CNBD2: variants seen among roughly 807,000 people sequenced by gnomAD.
CNBD2 encodes cyclic nucleotide-binding domain-containing protein 2.
In CNBD2, 64 loss-of-function variants were observed where a neutral mutation model predicts 63.7. That is an observed-to-expected ratio of 1.00 (90% confidence interval 0.82 to 1.24). The LOEUF (loss-of-function observed/expected upper bound fraction) is 1.24, where lower values mean the gene tolerates loss of function less well. CNBD2 is among the 50% of genes most tolerant of loss of function. CNBD2 has a pLI of 0.00. For synonymous variants in CNBD2, 229 were observed against 255.4 expected, an observed-to-expected ratio of 0.90 and a Z score of 0.99; for missense variants, 691 against 713.5, an observed-to-expected ratio of 0.97 and a Z score of 0.36.
chr20:35,971,919 T>G (rs1238679190), intron 1 of CNBD2, among the ~76,000 whole-genome samples: 1 of 152,206 alleles, frequency 6.6e-6, no homozygotes, highest in Non-Finnish European at 1.5e-5. Flanking sequence ...CTGTATTCAC[T>G]TGTTCTCAGT....
chr20:35,976,552 T>A (rs1428603484), intron 3 of CNBD2, among the ~76,000 whole-genome samples: 1 of 152,174 alleles, frequency 6.6e-6, no homozygotes, highest in Non-Finnish European at 1.5e-5. Context: ...GTCGTATCAC[T>A]GCATTCCAGT....
chr20:36,027,061 C>T (rs965115294), intron 11 of CNBD2, among the ~76,000 whole-genome samples: 1 of 152,352 alleles, frequency 6.6e-6, no homozygotes, highest in Non-Finnish European at 1.5e-5. Flanking sequence ...AAACCCAAAT[C>T]ATTTGCAGTC....
chr20:36,017,744 G>A (rs2057154007), intron 10 of CNBD2, among the ~76,000 whole-genome samples: 1 of 152,158 alleles, frequency 6.6e-6, no homozygotes, highest in South Asian at 2.1e-4. Context: ...TATTCACGCA[G>A]AGTGGCCTCC....
At chr20:35,990,973 C>T (rs1408552155) in intron 7 of CNBD2, among the ~76,000 whole-genome samples, 1 of 152,092 alleles carries the variant, frequency 6.6e-6, no homozygotes, top group Non-Finnish European at 1.5e-5. Flanking sequence ...AAGCTATTAT[C>T]TCATTCATCA....
At chr20:35,994,923 T>TAG in intron 7 of CNBD2, 115 bp from the exon 8 acceptor site, 1 of 680,026 alleles carries the variant, frequency 1.5e-6, no homozygotes, top group East Asian at 2.8e-5. Flanking sequence ...ACCACTTGCA[T>TAG]TAAGCAAATA....
intron 10 of CNBD2, among the ~76,000 whole-genome samples, chr20:36,016,310 G>A (rs1207335625): frequency 6.6e-6 from 1 of 152,138 alleles, no homozygotes; most frequent in African/African-American, 2.4e-5. Context: ...ATAGAAAAAG[G>A]GCATTAGGTG....
intron 5 of CNBD2, 92 bp downstream of exon 5, chr20:35,984,230 C>A: frequency 1.5e-6 from 2 of 1,332,582 alleles, no homozygotes; most frequent in Non-Finnish European, 2.1e-6. Context: ...CCCAGTCCTG[C>A]CTAGTACTCT....
chr20:36,005,721 T>C (rs559269682), intron 8 of CNBD2, among the ~76,000 whole-genome samples: 371 of 151,724 alleles, frequency 2.4e-3, no homozygotes, highest in Non-Finnish European at 4.1e-3. Flanking sequence ...GAGGCCGAGG[T>C]AGACGGATCA....
At chr20:35,994,209 G>A (rs1040891051) in intron 7 of CNBD2, among the ~76,000 whole-genome samples, 1 of 152,062 alleles carries the variant, frequency 6.6e-6, no homozygotes, top group Non-Finnish European at 1.5e-5. Flanking sequence ...GGGATTACAG[G>A]CATGTGCCAC....
rs772511844 is a variant in CNBD2, at chr20:36,030,439, C to G, written c.1522C>G (p.Pro508Ala). ...RKDLLQLLVE[P>A]CQSQLFTPNR... ...GGACCTGTTGCAGCTGCTCGTGGAGCCTTGCCAAAGTCAACTGTTCACTCC... is the reference window on the plus strand; with the variant it reads ...GGACCTGTTGCAGCTGCTCGTGGAGGCTTGCCAAAGTCAACTGTTCACTCC... The change falls in exon 12 of 12, where the codon CCT (proline) becomes GCT (alanine). Residue 508 changes from proline to alanine, a missense_variant. Pro to Ala is a conservative substitution (Grantham distance 27). Transcript: ENST00000373973. 17 of 1,614,018 alleles carry G rather than the reference C, an allele frequency of 1.1e-5. No individual in the cohort carries two copies. Among genetic ancestry groups the G allele is most frequent in the East Asian group, 6.7e-5 (3 of 44,892 alleles).
upstream of CNBD2, chr20:35,954,390 C>G: frequency 6.4e-7 from 1 of 1,564,660 alleles, no homozygotes; most frequent in Non-Finnish European, 8.7e-7. Context: ...AAGGGCAGAG[C>G]TCGCGTCACC....
chr20:35,992,866 G>A (rs1460942271), intron 7 of CNBD2, among the ~76,000 whole-genome samples: 1 of 151,322 alleles, frequency 6.6e-6, no homozygotes, highest in African/African-American at 2.4e-5. Flanking sequence ...TCTCTGGGAG[G>A]GAGATCAAGC....
chr20:36,010,544 G>C (rs528922374), intron 9 of CNBD2, among the ~76,000 whole-genome samples: 58 of 152,170 alleles, frequency 3.8e-4, no homozygotes, highest in Non-Finnish European at 7.6e-4. Flanking sequence ...GCCAAAGCGG[G>C]TGGATCACTT....
chr20:35,973,500 C>T (rs1401132236), intron 2 of CNBD2: 1 of 152,184 alleles, frequency 6.6e-6, no homozygotes, highest in Non-Finnish European at 1.5e-5. Flanking sequence ...AGCTCCACCT[C>T]CCGGGTTCAC....
intron 8 of CNBD2, among the ~76,000 whole-genome samples, chr20:36,003,035 G>C (rs1449087952): frequency 6.6e-6 from 1 of 151,598 alleles, no homozygotes; most frequent in East Asian, 1.9e-4. Context: ...ATGTCTTCAA[G>C]TTTTCTAATC....
chr20:35,972,208 C>A (rs1337331355), intron 1 of CNBD2, among the ~76,000 whole-genome samples: 1 of 152,176 alleles, frequency 6.6e-6, no homozygotes, highest in African/African-American at 2.4e-5. Flanking sequence ...TGACAGCCAG[C>A]AGTGTTGCAT....
intron 2 of CNBD2, among the ~76,000 whole-genome samples, chr20:35,961,738 G>A (rs2056310209): frequency 6.6e-6 from 1 of 152,180 alleles, no homozygotes; most frequent in African/African-American, 2.4e-5. Flanking sequence ...ATTCCAGGCT[G>A]GCAGGAATTC....
At position 36,008,347 on chromosome 20, in the gene CNBD2, C is replaced by CT; in HGVS notation, c.1022dup (p.Gln342AlafsTer4). On this transcript the variant is annotated frameshift_variant, in exon 9 of 12. Transcript: ENST00000373973. LOFTEE classifies it high-confidence loss of function. ...GGAATTCCAGATCAAATCATATCCT[C>CT]TGCAAGACTTTAGCTCCTTGAAACT... The CT allele has an allele frequency of 6.2e-7, 1 of 1,614,004 alleles. No homozygotes were observed. Among genetic ancestry groups the CT allele is most frequent in the Non-Finnish European group, 8.5e-7 (1 of 1,179,968 alleles).
chr20:35,982,733 T>TC (rs1242800958), intron 4 of CNBD2, among the ~76,000 whole-genome samples: 2 of 152,150 alleles, frequency 1.3e-5, no homozygotes, highest in Admixed American at 1.3e-4. Context: ...CCCAATTTTT[T>TC]TTTTTTTGAG....
Sources: allele counts gnomAD v4.1 joint callset (sites outside exome capture counted in the v4.1 genomes callset), GRCh38; gene constraint gnomAD v4.1.1; transcripts MANE v1.5; gene names NCBI Gene and HGNC (gene_info 2026-07-23, HGNC 2026-07-21).